Variants in COL23A1 observed in about 807,000 individuals in gnomAD.
COL23A1 encodes the protein collagen alpha-1(XXIII) chain.
Under a neutral mutation model 99.3 loss-of-function variants are expected in COL23A1, and 97 were observed. That is an observed-to-expected ratio of 0.98 (90% CI 0.83 to 1.16). The LOEUF (loss-of-function observed/expected upper bound fraction) is 1.16, where lower values mean the gene tolerates loss of function less well. COL23A1 is among the 50% of genes most tolerant of loss of function. The pLI is 0.00. For synonymous variants in COL23A1, 320 were observed against 308.2 expected (o/e 1.04, Z -0.40); for missense variants, 762 against 757.4 (o/e 1.01, Z -0.07).
chr5:178,314,672 C>T (rs983472428), intron 2 of COL23A1, among the ~76,000 whole-genome samples: 3 of 152,190 alleles, frequency 2.0e-5, no homozygotes, highest in Admixed American at 2.0e-4. Flanking sequence ...CACCATTTAT[C>T]GAGTGTCAAC....
chr5:178,295,672 AAAAAC>A (rs1157488590), intron 3 of COL23A1, among the ~76,000 whole-genome samples: 1 of 152,258 alleles, frequency 6.6e-6, no homozygotes, highest in Non-Finnish European at 1.5e-5. Flanking sequence ...GATGTGGTGT[AAAAAC>A]AGTCCTCATC....
chr5:178,450,077 G>A (rs562711441), intron 2 of COL23A1, among the ~76,000 whole-genome samples: 1 of 152,144 alleles, frequency 6.6e-6, no homozygotes, highest in South Asian at 2.1e-4. Context: ...GCAGGAACAA[G>A]GCTGATTTAG....
chr5:178,370,099 C>T (rs564289069), intron 2 of COL23A1, among the ~76,000 whole-genome samples: 261 of 152,340 alleles, frequency 1.7e-3, no homozygotes, highest in Middle Eastern at 3.4e-3. Context: ...ATTCATGCCA[C>T]GTGTCTGCAC....
chr5:178,342,080 T>C (rs1427520726), intron 2 of COL23A1, among the ~76,000 whole-genome samples: 2 of 152,196 alleles, frequency 1.3e-5, no homozygotes, highest in African/African-American at 4.8e-5. Context: ...TTTGCTGTGT[T>C]ATCATCTCCT....
rs893332799 is a variant in COL23A1, at chr5:178,386,707, C to A, written c.362-79788G>T. On this transcript the variant is annotated intron_variant, in intron 2 of 28. Coordinates refer to ENST00000390654, the MANE Select transcript of COL23A1 (RefSeq NM_173465.4). ...AGCGTTATCAGCGCAGAAGGGTCCC[C>A]GCCGCCTACCCCTGCCCCGTCAGGA... Among the ~76,000 whole-genome samples, 4 of 152,066 alleles carry A rather than the reference C, an allele frequency of 2.6e-5. No homozygotes were observed. In the East Asian group the frequency reaches 7.7e-4, roughly 29 times the overall value.
chr5:178,476,788 T>C (rs1466652251), intron 2 of COL23A1, among the ~76,000 whole-genome samples: 1 of 152,242 alleles, frequency 6.6e-6, no homozygotes, highest in Non-Finnish European at 1.5e-5. Context: ...GCCACCATGC[T>C]AGGGACCTCC....
Position 178,415,272 on chromosome 5 carries a change from C to T in COL23A1, c.362-108353G>A, listed in dbSNP as rs1036119923. 3.3e-5 allele frequency among the ~76,000 whole-genome samples: 5 copies of T among 152,298 alleles called. No homozygotes were observed. The highest frequency in any genetic ancestry group is 7.2e-5 in the African/African-American group (3 of 41,564). ...TGCCAGTTACAGTGCTCAGTGGGGA[C>T]GAGCCCGCCTTGCTGGGTGAGTGAC... On this transcript the variant is annotated intron_variant, in intron 2 of 28. Transcript: ENST00000390654. This position sits in a 1 kb window ranked among gnomAD's most constrained non-coding sequence, Gnocchi z 4.6.
chr5:178,243,223 C>T (rs867622634), intron 25 of COL23A1, among the ~76,000 whole-genome samples: 8 of 151,342 alleles, frequency 5.3e-5, no homozygotes, highest in African/African-American at 1.9e-4. Context: ...CATGGTGGCT[C>T]CCGCCTGTAA....
intron 12 of COL23A1, among the ~76,000 whole-genome samples, chr5:178,258,596 C>T (rs547024981): frequency 1.2e-4 from 18 of 151,902 alleles, no homozygotes; most frequent in African/African-American, 1.9e-4. Context: ...GGGGTTTCAC[C>T]GCGTTAGCCA....
At position 178,426,505 on chromosome 5, in the gene COL23A1, G is replaced by A. The variant is rs547743971; in HGVS notation, c.362-119586C>T. ...CGGACACAGACCAGCTTCCACCTGC[G>A]ATCGCGCTCTGTGCTGCCATCCGGG... On this transcript the variant is annotated intron_variant, in intron 2 of 28. Transcript: ENST00000390654. Among the ~76,000 whole-genome samples, 19 of 152,300 alleles carry A rather than the reference G, an allele frequency of 1.2e-4. No individual in the cohort carries two copies. The South Asian group carries it at 3.9e-3, about 32-fold the overall frequency.
At chr5:178,375,555 C>T (rs1763028248) in intron 2 of COL23A1, among the ~76,000 whole-genome samples, 1 of 152,232 alleles carries the variant, frequency 6.6e-6, no homozygotes, top group Non-Finnish European at 1.5e-5. Flanking sequence ...TCCCGCCCTG[C>T]CCCTCCGACA....
chr5:178,451,350 T>C (rs1267388126), intron 2 of COL23A1, among the ~76,000 whole-genome samples: 1 of 152,144 alleles, frequency 6.6e-6, no homozygotes, highest in East Asian at 1.9e-4. Context: ...TTTAGTAATA[T>C]GGTCACATTA....
At chr5:178,569,796 C>T (rs538833780) in intron 1 of COL23A1, among the ~76,000 whole-genome samples, 7 of 152,288 alleles carry the variant, frequency 4.6e-5, no homozygotes, top group Admixed American at 2.6e-4. Flanking sequence ...TCTCAGTTCC[C>T]AGAGGCAGCT....
intron 2 of COL23A1, chr5:178,345,350 C>T (rs1760903082): frequency 2.0e-6 from 1 of 510,528 alleles, no homozygotes; most frequent in African/African-American, 2.0e-5. Context: ...CATTTTTTTC[C>T]CTGAGCAAGG....
intron 7 of COL23A1, among the ~76,000 whole-genome samples, chr5:178,267,833 A>T (rs1755990756): frequency 6.6e-6 from 1 of 152,250 alleles, no homozygotes; most frequent in Non-Finnish European, 1.5e-5. Context: ...TGCCAACTGC[A>T]CTAGTCTCTT....
rs890173400 is a variant in COL23A1, at chr5:178,428,169, C to T, written c.362-121250G>A. Among the ~76,000 whole-genome samples the T allele has an allele frequency of 6.6e-5, 10 of 152,210 alleles. No homozygotes were observed. Among genetic ancestry groups the T allele is most frequent in the African/African-American group, 9.6e-5 (4 of 41,462 alleles). On this transcript the variant is annotated intron_variant, in intron 2 of 28. Coordinates refer to ENST00000390654, the MANE Select transcript of COL23A1 (RefSeq NM_173465.4). The surrounding 1 kb of genome is among the most constrained non-coding windows in gnomAD (Gnocchi z 5.0). ...CTCAGATATCACAGGGAAAAGAGAA[C>T]GAGGAATCCAAAGTCCTGAGCAATC...
At chr5:178,325,433 G>C (rs1424251032) in intron 2 of COL23A1, among the ~76,000 whole-genome samples, 2 of 151,176 alleles carry the variant, frequency 1.3e-5, no homozygotes, top group Non-Finnish European at 2.9e-5. Flanking sequence ...ACCTGGCCTG[G>C]ACATGCTACA....
chr5:178,478,194 G>T (rs928324600), intron 2 of COL23A1, among the ~76,000 whole-genome samples: 5 of 152,234 alleles, frequency 3.3e-5, no homozygotes, highest in African/African-American at 1.2e-4. Context: ...TCCGAGCTCT[G>T]TACAGGAGAT....
chr5:178,306,977 G>C lies in COL23A1; in HGVS notation c.362-58C>G, dbSNP rs894072235. The C allele has an allele frequency of 7.7e-7, 1 of 1,301,422 alleles. No homozygotes were observed. The allele number at this position is 1,301,422 out of a possible 1,614,324, so 80.6% of individuals were successfully genotyped here. ...AAGGGAAGCCAGTGGACTTGGCTGCGTGGGGCATGCCCCAGCCACCCACCT... is the reference window on the plus strand; with the variant it reads ...AAGGGAAGCCAGTGGACTTGGCTGCCTGGGGCATGCCCCAGCCACCCACCT... On this transcript the variant is annotated intron_variant, in intron 2 of 28. Transcript: ENST00000390654. The surrounding 1 kb of genome is among the most constrained non-coding windows in gnomAD (Gnocchi z 4.1).
Sources: gnomAD v4.1 joint callset for allele counts (sites outside exome capture counted in the v4.1 genomes callset) on GRCh38, gnomAD v4.1.1 for gene constraint, Gnocchi (gnomAD v3.1) non-coding constraint, MANE v1.5 for transcripts, NCBI Gene and HGNC (gene_info 2026-07-23, HGNC 2026-07-21) for gene names.